UNC119: variants seen among roughly 807,000 people sequenced by gnomAD.
UNC119 encodes unc-119 lipid binding chaperone.
A neutral mutation model predicts 22.6 loss-of-function variants in UNC119; 15 were observed. The observed-to-expected ratio is 0.66, with a 90% CI of 0.44 to 1.02. The LOEUF (loss-of-function observed/expected upper bound fraction) is 1.02. Among genes scored for constraint, UNC119 ranks in the 50% least tolerant of loss-of-function variants. The pLI is 0.00. For synonymous variants in UNC119, 138 were observed against 139.4 expected (o/e 0.99, Z 0.07); for missense variants, 322 against 336.0 (o/e 0.96, Z 0.33).
chr17:28,552,592 G>C lies in UNC119; in HGVS notation c.-35C>G. 6.8e-7 allele frequency: 1 copy of C among 1,476,474 alleles called. No individual in the cohort carries two copies. The highest frequency in any genetic ancestry group is 2.9e-5 in the East Asian group (1 of 34,848). 91.5% of individuals were successfully genotyped at this position (1,476,474 alleles called of 1,614,324 possible). A position where few individuals can be genotyped will look rare whatever the true frequency, so the allele number is the denominator to read the frequency against. ...GGGCCGAGGCTCGCCTGCTGCTGCC[G>C]CCGCTGCCTGCGCCGGCTGGAGCCG... On this transcript the variant is annotated 5_prime_UTR_variant, in exon 1 of 5. Transcript: ENST00000335765.
chr17:28,547,322 T>A lies in UNC119; in HGVS notation c.698A>T (p.Asp233Val). Residue 233 changes from aspartate (D) to valine (V), a missense_variant, in exon 5 of 5, where the codon GAC becomes GTC. By Grantham distance (152) the Asp-to-Val change is radical. Coordinates refer to ENST00000335765, the MANE Select transcript of UNC119 (RefSeq NM_005148.4). ...DDRLVMHNKA[D>V]YSYSGTP is the part of the protein sequence containing the mutation. ...TCAGGGTGTCCCGCTGTAGGAATAG[T>A]CTGCTTTATTGTGCATCACCAGCCG... The A allele has an allele frequency of 1.9e-6, 3 of 1,614,134 alleles. No individual in the cohort carries two copies. Among genetic ancestry groups the A allele is most frequent in the Non-Finnish European group, 2.5e-6 (3 of 1,180,006 alleles).
intron 1 of UNC119, chr17:28,551,961 A>T: frequency 2.6e-6 from 1 of 385,324 alleles, no homozygotes; most frequent in South Asian, 2.1e-5. Flanking sequence ...GGCTGAGGAC[A>T]GGCTGCACTC....
intron 1 of UNC119, 86 bp downstream of exon 1, chr17:28,552,252 G>T: frequency 7.8e-7 from 1 of 1,286,910 alleles, no homozygotes; most frequent in South Asian, 1.4e-5. Flanking sequence ...GAAAGGGGGC[G>T]GGGGCCAGGG....
chr17:28,549,367 CCCTATT>C (rs1256415522), intron 1 of UNC119: 2 of 152,332 alleles, frequency 1.3e-5, no homozygotes, highest in African/African-American at 4.8e-5. Flanking sequence ...ACAACCCCTT[CCCTATT>C]CCTCCTCTCC....
chr17:28,547,653 TC>T, intron 4 of UNC119, 23 bp downstream of exon 4: 5 of 1,614,054 alleles, frequency 3.1e-6, no homozygotes, highest in Non-Finnish European at 4.2e-6. Context: ...ACTTCCCCAC[TC>T]CCAGAAGACC....
chr17:28,549,911 CCA>C (rs1255204995), intron 1 of UNC119: 2 of 152,174 alleles, frequency 1.3e-5, no homozygotes, highest in South Asian at 2.1e-4. Flanking sequence ...CCCTGGTGGC[CCA>C]CAGAGGCCTG....
chr17:28,547,129 TG>T lies in UNC119; in HGVS notation c.*167del. On this transcript the variant is annotated 3_prime_UTR_variant, in exon 5 of 5. Coordinates refer to ENST00000335765, the MANE Select transcript of UNC119 (RefSeq NM_005148.4). ...CATGTAGCAGGCCGCATGGGCTTCATGGGCTTGACTGGGGACACCAGGTACC... is the reference window on the plus strand; with the variant it reads ...CATGTAGCAGGCCGCATGGGCTTCATGGCTTGACTGGGGACACCAGGTACC... 1.2e-6 allele frequency: 1 copy of T among 816,222 alleles called. No homozygotes were observed. Among genetic ancestry groups the T allele is most frequent in the Non-Finnish European group, 2.0e-6 (1 of 504,850 alleles). 50.6% of individuals were successfully genotyped at this position (816,222 alleles called of 1,614,324 possible).
intron 1 of UNC119, 32 bp downstream of exon 1, chr17:28,552,306 C>A: frequency 6.5e-7 from 1 of 1,528,438 alleles, no homozygotes; most frequent in South Asian, 1.2e-5. Flanking sequence ...CCCCTTCCCA[C>A]CCGCGGGCGG....
chr17:28,548,202 TC>T, intron 2 of UNC119, 101 bp from the exon 3 acceptor site: 1 of 1,240,654 alleles, frequency 8.1e-7, no homozygotes, highest in Non-Finnish European at 1.1e-6. Context: ...TTTTTTAAAC[TC>T]CCCAAGAAAT....
chr17:28,547,969 C>T (rs756397372), intron 3 of UNC119, 30 bp downstream of exon 3: 1 of 1,613,636 alleles, frequency 6.2e-7, no homozygotes, highest in Non-Finnish European at 8.5e-7. Context: ...CTCCCTCACC[C>T]CCACCACCAC....
Position 28,548,703 on chromosome 17 carries a change from A to G in UNC119, c.223T>C (p.Tyr75His). 1 of 1,613,514 alleles carries G rather than the reference A, an allele frequency of 6.2e-7. No individual in the cohort carries two copies. The highest frequency in any genetic ancestry group is 2.2e-5 in the East Asian group (1 of 44,858). The change falls in exon 2 of 5, where the codon TAC (tyrosine) becomes CAC (histidine). Residue 75 changes from tyrosine to histidine, a missense_variant and splice_region_variant. Tyr to His is a moderately conservative substitution (Grantham distance 83). Transcript: ENST00000335765. The part of the protein sequence containing the change: ...VLGLQRITGD[Y>H]LCSPEENIYK... ...ATATTCTCCTCAGGGGAGCAGAGGT[A>G]GTCTAGGGGAAACAGGCAGCTGAGC...
chr17:28,548,794 C>A, intron 1 of UNC119, 89 bp from the exon 2 acceptor site: 1 of 993,904 alleles, frequency 1.0e-6, no homozygotes, highest in Non-Finnish European at 1.6e-6. Context: ...TAGCTACCAT[C>A]TTCTCATCCC....
At position 28,547,124 on chromosome 17, in the gene UNC119, C is replaced by G; in HGVS notation, c.*173G>C. 2.5e-6 allele frequency: 2 copies of G among 787,468 alleles called. No individual in the cohort carries two copies. 48.8% of individuals were successfully genotyped at this position (787,468 alleles called of 1,614,324 possible). On this transcript the variant is annotated 3_prime_UTR_variant, in exon 5 of 5. Transcript: ENST00000335765. ...CACCCCATGTAGCAGGCCGCATGGG[C>G]TTCATGGGCTTGACTGGGGACACCA...
intron 1 of UNC119, chr17:28,550,562 C>G (rs1354945346): frequency 1.3e-5 from 2 of 152,260 alleles, no homozygotes; most frequent in South Asian, 2.1e-4. Flanking sequence ...GGGCTCAGAA[C>G]ACAACTGCTC....
rs760954830 is a variant in UNC119, at chr17:28,548,707, TA to T, written c.221-3del. ...TCTCCTCAGGGGAGCAGAGGTAGTC[TA>T]GGGGAAACAGGCAGCTGAGCAAGGA... On this transcript the variant is annotated splice_region_variant and splice_polypyrimidine_tract_variant and intron_variant, in intron 1 of 4. Transcript: ENST00000335765. The T allele has an allele frequency of 7.4e-6, 12 of 1,613,058 alleles. No individual in the cohort carries two copies. Among genetic ancestry groups the T allele is most frequent in the Non-Finnish European group, 9.3e-6 (11 of 1,179,180 alleles).
At chr17:28,547,577 T>G (rs1597577260) in intron 4 of UNC119, 100 bp downstream of exon 4, 1 of 1,607,238 alleles carries the variant, frequency 6.2e-7, no homozygotes, top group Non-Finnish European at 8.5e-7. Flanking sequence ...AGCCCCAGGG[T>G]GGGGAGAAAT....
intron 1 of UNC119, chr17:28,549,482 G>A (rs2070247900): frequency 6.6e-6 from 1 of 152,388 alleles, no homozygotes; most frequent in African/African-American, 2.4e-5. Flanking sequence ...CCTGGGATAT[G>A]GCAGGTGGGA....
chr17:28,552,039 A>C, intron 1 of UNC119: 3 of 594,220 alleles, frequency 5.0e-6, no homozygotes, highest in Non-Finnish European at 3.3e-6. Context: ...CTACAGGGCT[A>C]TGGTTGCAGC....
Position 28,548,904 on chromosome 17 carries a change from G to A in UNC119, c.221-199C>T, listed in dbSNP as rs533063241. 9.2e-5 allele frequency: 51 copies of A among 553,914 alleles called. No individual in the cohort carries two copies. In the East Asian group the frequency reaches 1.3e-3, roughly 14 times the overall value. 34.3% of individuals were successfully genotyped at this position (553,914 alleles called of 1,614,324 possible). A position where few individuals can be genotyped will look rare whatever the true frequency, so the allele number is the denominator to read the frequency against. ...AACTCCGCCATGGGGATCTAACAGG[G>A]GATAAGGAGTGCCATCCTACTGGTC... is the stretch of plus-strand genomic sequence containing the variant. On this transcript the variant is annotated intron_variant, in intron 1 of 4. Coordinates refer to ENST00000335765, the MANE Select transcript of UNC119 (RefSeq NM_005148.4).
Sources: allele counts gnomAD v4.1 joint callset, GRCh38; gene constraint gnomAD v4.1.1; transcripts MANE v1.5; gene names NCBI Gene and HGNC (gene_info 2026-07-23, HGNC 2026-07-21).